Variants in CCDC158 observed in about 807,000 individuals in gnomAD.
CCDC158 encodes the protein coiled-coil domain-containing protein 158.
CCDC158 carries 116 observed loss-of-function variants against 138.6 expected under a neutral mutation model. The observed-to-expected ratio is 0.84, with a 90% CI of 0.72 to 0.98. CCDC158 has a LOEUF of 0.98. CCDC158 is among the 50% of genes least tolerant of loss of function. The pLI, the probability that CCDC158 is intolerant of heterozygous loss-of-function variation, is 0.00. For missense variants in CCDC158, 1,265 were observed against 1,306.1 expected (o/e 0.97, Z 0.48); for synonymous variants, 436 against 442.4 (o/e 0.99, Z 0.18).
intron 4 of CCDC158, among the ~76,000 whole-genome samples, chr4:76,391,511 A>G (rs1197684597): frequency 6.6e-6 from 1 of 151,724 alleles, no homozygotes; most frequent in African/African-American, 2.4e-5. Flanking sequence ...CCCAAAACCT[A>G]TGGTATACAG....
At chr4:76,321,927 G>A (rs1720055739) in intron 24 of CCDC158, among the ~76,000 whole-genome samples, 1 of 151,476 alleles carries the variant, frequency 6.6e-6, no homozygotes, top group African/African-American at 2.4e-5. Flanking sequence ...AACATTGTAT[G>A]TTCTCATTAT....
chr4:76,399,494 A>G (rs1337720375), intron 3 of CCDC158, among the ~76,000 whole-genome samples: 11 of 152,118 alleles, frequency 7.2e-5, no homozygotes, highest in Admixed American at 7.2e-4. Context: ...AAAATAAATA[A>G]ATAAAAAGCT....
In CCDC158 at chr4:76,403,118, G is replaced by A; in HGVS notation, c.70+20C>T. On this transcript the variant is annotated intron_variant, in intron 3 of 24. Coordinates refer to ENST00000682701, the MANE Select transcript of CCDC158 (RefSeq NM_001394954.1). ...GTTAATTCTATTTTTTCCCCATTTT[G>A]TTTTATAAACAGCACATACCTCCAT... The A allele has an allele frequency of 6.5e-7, 1 of 1,550,056 alleles. No homozygotes were observed.
chr4:76,383,225 C>T (rs1726442333), intron 7 of CCDC158, among the ~76,000 whole-genome samples: 1 of 152,132 alleles, frequency 6.6e-6, no homozygotes, highest in Non-Finnish European at 1.5e-5. Context: ...AGAATCTTGC[C>T]AAGTCAGTTT....
At chr4:76,380,960 G>A (rs1284696313) in intron 8 of CCDC158, among the ~76,000 whole-genome samples, 1 of 152,222 alleles carries the variant, frequency 6.6e-6, no homozygotes, top group Non-Finnish European at 1.5e-5. Flanking sequence ...CCAAGACTAG[G>A]CAGCTTCCAT....
rs1725614909 is a variant in CCDC158, at chr4:76,375,346, G to A, written c.1030-3810C>T. ...TGCCAATCATATCAAATCACACGAGGTTTGGTTTGTCTGTTGGTGGTGGTG... is the reference window on the plus strand; with the variant it reads ...TGCCAATCATATCAAATCACACGAGATTTGGTTTGTCTGTTGGTGGTGGTG... On this transcript the variant is annotated intron_variant, in intron 9 of 24. Coordinates refer to ENST00000682701, the MANE Select transcript of CCDC158 (RefSeq NM_001394954.1). The A allele has an allele frequency of 7.0e-6, 3 of 431,172 alleles. No homozygotes were observed. In the East Asian group the frequency reaches 1.0e-4, roughly 15 times the overall value. 26.7% of individuals were successfully genotyped at this position (431,172 alleles called of 1,614,324 possible). A position where few individuals can be genotyped will look rare whatever the true frequency, so the allele number is the denominator to read the frequency against.
At chr4:76,343,442 A>C (rs1219481819) in intron 18 of CCDC158, among the ~76,000 whole-genome samples, 1 of 152,230 alleles carries the variant, frequency 6.6e-6, no homozygotes, top group Non-Finnish European at 1.5e-5. Context: ...AAACAAAACA[A>C]TGAATTCCAA....
chr4:76,407,104 C>G (rs1040355098), intron 2 of CCDC158: 1 of 152,050 alleles, frequency 6.6e-6, no homozygotes, highest in Non-Finnish European at 1.5e-5. Context: ...GATCATGTAA[C>G]ACGCTGCTTA....
Position 76,389,720 on chromosome 4 carries a change from G to C in CCDC158, c.289-5055C>G, listed in dbSNP as rs143541108. 4.5e-3 allele frequency among the ~76,000 whole-genome samples: 681 copies of C among 152,210 alleles called. 5 individuals are homozygous for C. Among genetic ancestry groups the C allele is most frequent in the African/African-American group, 0.015 (623 of 41,546 alleles). ...GGATCCTGAAAGCAGCAAGAGAAAA[G>C]AAACAAATAACATACAATGGAGCTC... On this transcript the variant is annotated intron_variant, in intron 4 of 24. Transcript: ENST00000682701.
At chr4:76,406,631 C>T (rs1049817162) in intron 2 of CCDC158, among the ~76,000 whole-genome samples, 1 of 152,072 alleles carries the variant, frequency 6.6e-6, no homozygotes, top group African/African-American at 2.4e-5. Flanking sequence ...ACAAACAACA[C>T]CTTCTGGTCA....
At chr4:76,327,618 T>C (rs1364118890) in intron 22 of CCDC158, among the ~76,000 whole-genome samples, 2 of 152,178 alleles carry the variant, frequency 1.3e-5, no homozygotes, top group Non-Finnish European at 2.9e-5. Flanking sequence ...AGCTACAACA[T>C]CACCAGGTAT....
chr4:76,376,613 A>C (rs1725742626), intron 9 of CCDC158, among the ~76,000 whole-genome samples: 1 of 152,240 alleles, frequency 6.6e-6, no homozygotes, highest in Non-Finnish European at 1.5e-5. Context: ...ATTTTTTATG[A>C]TCCCAAGTGA....
chr4:76,368,921 G>A (rs1306027991), intron 11 of CCDC158, among the ~76,000 whole-genome samples: 1 of 152,160 alleles, frequency 6.6e-6, no homozygotes, highest in Non-Finnish European at 1.5e-5. Flanking sequence ...AGTTTAATTA[G>A]TGTCTATATA....
At chr4:76,408,537 C>T (rs1176267845) in intron 2 of CCDC158, among the ~76,000 whole-genome samples, 1 of 152,128 alleles carries the variant, frequency 6.6e-6, no homozygotes, top group Non-Finnish European at 1.5e-5. Context: ...TATGGCTGCA[C>T]AGTATTCCAT....
chr4:76,402,065 A>G (rs1194109859), intron 3 of CCDC158: 2 of 152,264 alleles, frequency 1.3e-5, no homozygotes, highest in African/African-American at 2.4e-5. Flanking sequence ...ATGCACTAAA[A>G]GAATGAGTTA....
intron 4 of CCDC158, among the ~76,000 whole-genome samples, chr4:76,390,344 T>C (rs1373129345): frequency 6.6e-6 from 1 of 152,036 alleles, no homozygotes; most frequent in Non-Finnish European, 1.5e-5. Flanking sequence ...GCAAGCCTCA[T>C]GGTAACCTCA....
chr4:76,360,029 A>G (rs1368702026), intron 13 of CCDC158, among the ~76,000 whole-genome samples: 1 of 152,246 alleles, frequency 6.6e-6, no homozygotes, highest in African/African-American at 2.4e-5. Flanking sequence ...GCCCTGCTGC[A>G]CTGTGCAGCC....
chr4:76,361,970 A>G (rs1171196501), intron 13 of CCDC158, among the ~76,000 whole-genome samples, 156 bp downstream of exon 13: 1 of 152,148 alleles, frequency 6.6e-6, no homozygotes, highest in African/African-American at 2.4e-5. Flanking sequence ...GAAAACTATG[A>G]GATTTCATGC....
chr4:76,357,515 C>G lies in CCDC158; in HGVS notation c.2032G>C (p.Val678Leu). The G allele has an allele frequency of 5.1e-6, 8 of 1,581,964 alleles. No homozygotes were observed. The highest frequency in any genetic ancestry group is 6.9e-6 in the Non-Finnish European group (8 of 1,159,634). The change falls in exon 14 of 25, where the codon GTC (valine) becomes CTC (leucine). Residue 678 changes from valine (V) to leucine (L), a missense_variant. Physicochemically the swap from Val to Leu is conservative, Grantham distance 32 (BLOSUM62 1). Transcript: ENST00000682701. ...ELNNLSEEYE[V>L]LKRNFRNKSE... ...TTGTTTCGGAAATTCCTTTTTAAGACTTCATACTCCTCTATACAATGTGAT... is the reference window on the plus strand; with the variant it reads ...TTGTTTCGGAAATTCCTTTTTAAGAGTTCATACTCCTCTATACAATGTGAT...
Sources: allele counts gnomAD v4.1 joint callset (sites outside exome capture counted in the v4.1 genomes callset), GRCh38; gene constraint gnomAD v4.1.1; transcripts MANE v1.5; gene names NCBI Gene and HGNC (gene_info 2026-07-23, HGNC 2026-07-21).